The following ADGRA1 variants were observed in gnomAD, a reference collection of about 807,000 sequenced individuals.
The protein encoded by ADGRA1 is G-protein coupled receptor 123.
In ADGRA1, 12 loss-of-function variants were observed where a neutral mutation model predicts 21.3. The observed-to-expected ratio is 0.56, with a 90% CI of 0.36 to 0.91. ADGRA1 has a LOEUF of 0.91. Ranked by LOEUF, ADGRA1 falls within the 40% of genes least tolerant of loss-of-function variation. The pLI, the probability that ADGRA1 is intolerant of heterozygous loss-of-function variation, is 0.01. For synonymous variants in ADGRA1, 385 were observed against 368.8 expected, an observed-to-expected ratio of 1.04 and a Z score of -0.50; for missense variants, 790 against 805.6, an observed-to-expected ratio of 0.98 and a Z score of 0.23.
intron 5 of ADGRA1, among the ~76,000 whole-genome samples, chr10:133,121,462 C>T (rs1485348572): frequency 7.0e-6 from 1 of 142,736 alleles, no homozygotes; most frequent in Non-Finnish European, 1.5e-5. Context: ...TGGAGTGTGT[C>T]AGTGTGCGTG....
intron 5 of ADGRA1, among the ~76,000 whole-genome samples, chr10:133,121,975 GTA>G (rs1394644552): frequency 1.0e-5 from 1 of 100,154 alleles, no homozygotes; most frequent in East Asian, 9.3e-4. Context: ...ATGCCTGTGT[GTA>G]TGTGTGTGCC....
intron 2 of ADGRA1, chr10:133,093,382 C>G: frequency 1.7e-6 from 2 of 1,196,656 alleles, no homozygotes; most frequent in Non-Finnish European, 2.3e-6. Context: ...AAAGAGGAGA[C>G]CTCCAATTAA....
At chr10:133,093,335 T>A in intron 2 of ADGRA1, 1 of 1,494,990 alleles carries the variant, frequency 6.7e-7, no homozygotes, top group Non-Finnish European at 8.9e-7. Context: ...TGTTTTTGTC[T>A]TTAACACCCT....
intron 2 of ADGRA1, among the ~76,000 whole-genome samples, chr10:133,091,036 G>A (rs931685526): frequency 6.6e-6 from 1 of 152,222 alleles, no homozygotes; most frequent in African/African-American, 2.4e-5. Context: ...CACTGTTAAC[G>A]AGCAAAAGCA....
At chr10:133,099,166 TGGGGG>T (rs1851745002) in intron 4 of ADGRA1, among the ~76,000 whole-genome samples, 1 of 145,360 alleles carries the variant, frequency 6.9e-6, no homozygotes, top group Admixed American at 6.7e-5. Flanking sequence ...GAGAAAGTGC[TGGGGG>T]GACACAGCCC....
Position 133,129,808 on chromosome 10 carries a change from T to C in ADGRA1, c.*297T>C, listed in dbSNP as rs1225797172. The C allele has an allele frequency of 7.8e-6, 3 of 383,938 alleles. No individual in the cohort carries two copies. The highest frequency in any genetic ancestry group is 1.5e-5 in the Non-Finnish European group (3 of 206,656). The allele number at this position is 383,938 out of a possible 1,614,324, so 23.8% of individuals were successfully genotyped here. ...GCTGGTCCCGCACACGGTCATCCGG[T>C]TTCTGTCCTGTGGTCTCCAGTCCTG... On this transcript the variant is annotated 3_prime_UTR_variant, in exon 7 of 7. Transcript: ENST00000392607.
chr10:133,122,496 T>A (rs1037597899), intron 5 of ADGRA1, among the ~76,000 whole-genome samples: 1 of 152,250 alleles, frequency 6.6e-6, no homozygotes, highest in Non-Finnish European at 1.5e-5. Context: ...GTGCCCCCTC[T>A]ACTGCGAAGC....
At position 133,129,330 on chromosome 10, in the gene ADGRA1, G is replaced by T; in HGVS notation, c.1502G>T (p.Gly501Val). 6.4e-7 allele frequency: 1 copy of T among 1,569,506 alleles called. No homozygotes were observed. The highest frequency in any genetic ancestry group is 8.6e-7 in the Non-Finnish European group (1 of 1,158,874). ...CTCTACAGCTGCCCCACGCAGCCGGGCAGGGAGGCAGCGCTCGGGCCCGGC... is the reference window on the plus strand; with the variant it reads ...CTCTACAGCTGCCCCACGCAGCCGGTCAGGGAGGCAGCGCTCGGGCCCGGC... ...PALYSCPTQP[G>V]REAALGPGHL... Residue 501 changes from glycine (G) to valine (V), a missense_variant, in exon 7 of 7, where the codon GGC (glycine) becomes GTC (valine). Around this residue, in one of 3 missense-constraint regions of ADGRA1, gnomAD observed 391 missense variants for 351.5 expected, o/e 1.11. Transcript: ENST00000392607.
intron 2 of ADGRA1, among the ~76,000 whole-genome samples, chr10:133,089,274 C>T (rs1314110760): frequency 6.6e-6 from 1 of 152,192 alleles, no homozygotes; most frequent in African/African-American, 2.4e-5. Context: ...GCCCCTCCAC[C>T]CTGGTCACCG....
At chr10:133,124,860 G>A (rs956938140) in intron 5 of ADGRA1, among the ~76,000 whole-genome samples, 18 of 150,548 alleles carry the variant, frequency 1.2e-4, no homozygotes, top group Admixed American at 8.6e-4. Flanking sequence ...CCGGCCCCGC[G>A]CCTGCACGTC....
chr10:133,116,447 TCAGGGCCACCACGGCTACTC>T (rs1364717612), intron 5 of ADGRA1, among the ~76,000 whole-genome samples: 2 of 91,838 alleles, frequency 2.2e-5, no homozygotes, highest in Non-Finnish European at 4.2e-5. Flanking sequence ...CACGGTCCCT[TCAGGGCCACCACGGCTACTC>T]CAGCTCCCTC....
At position 133,115,225 on chromosome 10, in the gene ADGRA1, C is replaced by T. The variant is rs568962337; in HGVS notation, c.402-12008C>T. 9.3e-4 allele frequency among the ~76,000 whole-genome samples: 142 copies of T among 152,310 alleles called. 1 individual carries two copies. The highest frequency in any genetic ancestry group is 2.1e-4 in the Non-Finnish European group (14 of 68,006). ...GCTGTCCCGAGTCCACCCTCAGCCC[C>T]TGAGCCCTCCTCACCCCTCGGCCTT... On this transcript the variant is annotated intron_variant, in intron 5 of 6. Coordinates refer to ENST00000392607, the MANE Select transcript of ADGRA1 (RefSeq NM_001083909.3).
At chr10:133,124,731 C>T (rs1023787207) in intron 5 of ADGRA1, among the ~76,000 whole-genome samples, 11 of 152,250 alleles carry the variant, frequency 7.2e-5, no homozygotes, top group Non-Finnish European at 1.3e-4. Context: ...GCCAGACGGG[C>T]GGGAACAACT....
chr10:133,092,983 A>T (rs542336754), intron 2 of ADGRA1: 4 of 1,590,184 alleles, frequency 2.5e-6, no homozygotes, highest in Non-Finnish European at 3.4e-6. Flanking sequence ...CTGGCCCCGG[A>T]CACCTCACCG....
At position 133,115,017 on chromosome 10, in the gene ADGRA1, G is replaced by A. The variant is rs1852130396; in HGVS notation, c.401+12175G>A. Among the ~76,000 whole-genome samples the A allele has an allele frequency of 3.3e-5, 5 of 152,216 alleles. No homozygotes were observed. In the South Asian group the frequency reaches 1.0e-3, roughly 32 times the overall value. On this transcript the variant is annotated intron_variant, in intron 5 of 6. Transcript: ENST00000392607. The stretch of plus-strand genomic sequence containing the variant: ...CCCCAGGGGCCGCAACTCCATGAGT[G>A]CGACTGGTTGGTGGGGCAGCGCCAC...
In ADGRA1 at chr10:133,098,776, G is replaced by C; in HGVS notation, c.255+13G>C. On this transcript the variant is annotated intron_variant, in intron 4 of 6. Coordinates refer to ENST00000392607, the MANE Select transcript of ADGRA1 (RefSeq NM_001083909.3). ...CCTGTGCCAGGCGGTGAGTGCCGGG[G>C]CGCCCTCGTTGGCTCCTCCCAGAGG... 1.9e-6 allele frequency: 3 copies of C among 1,607,650 alleles called. No homozygotes were observed. Among genetic ancestry groups the C allele is most frequent in the Non-Finnish European group, 2.5e-6 (3 of 1,179,086 alleles).
At chr10:133,117,260 C>T (rs879752038) in intron 5 of ADGRA1, among the ~76,000 whole-genome samples, 2 of 152,222 alleles carry the variant, frequency 1.3e-5, no homozygotes, top group African/African-American at 2.4e-5. Context: ...AGGCAGCACC[C>T]GGAGCCCACC....
chr10:133,098,422 C>T (rs1217002579), intron 3 of ADGRA1, among the ~76,000 whole-genome samples: 1 of 152,154 alleles, frequency 6.6e-6, no homozygotes, highest in Non-Finnish European at 1.5e-5. Flanking sequence ...CGTCAGTGTG[C>T]CAGGGTGACG....
At chr10:133,112,277 A>G (rs1188608077) in intron 5 of ADGRA1, among the ~76,000 whole-genome samples, 1 of 152,140 alleles carries the variant, frequency 6.6e-6, no homozygotes, top group African/African-American at 2.4e-5. Context: ...CTTTCTGATC[A>G]AGTGCACCAA....
Sources: gnomAD v4.1 joint callset for allele counts (sites outside exome capture counted in the v4.1 genomes callset) on GRCh38, gnomAD v4.1.1 for gene constraint, gnomAD v4.1.1 regional missense constraint, MANE v1.5 for transcripts, NCBI Gene and HGNC (gene_info 2026-07-23, HGNC 2026-07-21) for gene names.